Variants in CNOT6L observed in about 807,000 individuals in gnomAD.
CNOT6L encodes CCR4-NOT transcription complex subunit 6 like.
Under a neutral mutation model 64.0 loss-of-function variants are expected in CNOT6L, and 7 were observed. The observed-to-expected ratio is 0.11, with a 90% CI of 0.06 to 0.21. The LOEUF (loss-of-function observed/expected upper bound fraction) is 0.21. Among genes scored for constraint, CNOT6L ranks in the 10% least tolerant of loss-of-function variants. CNOT6L has a pLI of 1.00. For missense variants in CNOT6L, 245 were observed against 669.0 expected (o/e 0.37, Z 6.99); for synonymous variants, 193 against 243.4 (o/e 0.79, Z 1.93).
At chr4:77,797,102 CAAA>C (rs386400560) in intron 1 of CNOT6L, among the ~76,000 whole-genome samples, 2 of 52,988 alleles carry the variant, frequency 3.8e-5, no homozygotes, top group Non-Finnish European at 6.2e-5. Context: ...GACCTTGTCT[CAAA>C]AAAAAAAAAA....
intron 7 of CNOT6L, among the ~76,000 whole-genome samples, chr4:77,743,062 A>G (rs1723766960): frequency 6.6e-6 from 1 of 152,198 alleles, no homozygotes; most frequent in Non-Finnish European, 1.5e-5. Context: ...TCCATTAAGT[A>G]CAATAAATAA....
chr4:77,781,850 T>C (rs1728891615), intron 1 of CNOT6L, among the ~76,000 whole-genome samples: 1 of 152,238 alleles, frequency 6.6e-6, no homozygotes, highest in Non-Finnish European at 1.5e-5. Flanking sequence ...TGTTATTTCA[T>C]TTAGGATTCA....
chr4:77,753,024 C>A (rs1401339359), intron 5 of CNOT6L, among the ~76,000 whole-genome samples: 4 of 151,508 alleles, frequency 2.6e-5, no homozygotes, highest in Non-Finnish European at 5.9e-5. Context: ...ATTAAGACAT[C>A]ATAAAATATT....
intron 10 of CNOT6L, among the ~76,000 whole-genome samples, chr4:77,726,681 C>T (rs551007259): frequency 3.7e-4 from 57 of 152,182 alleles, no homozygotes; most frequent in Non-Finnish European, 6.8e-4. Flanking sequence ...GGATGGCATT[C>T]ACCAGGAAGG....
At chr4:77,754,820 T>A (rs1255548575) in intron 5 of CNOT6L, among the ~76,000 whole-genome samples, 1 of 127,468 alleles carries the variant, frequency 7.8e-6, no homozygotes, top group African/African-American at 3.1e-5. Flanking sequence ...ACCTAATCAA[T>A]AAATGGCTCA....
At chr4:77,729,269 T>C (rs968925510) in intron 9 of CNOT6L, among the ~76,000 whole-genome samples, 188 bp from the exon 10 acceptor site, 3 of 152,210 alleles carry the variant, frequency 2.0e-5, no homozygotes, top group Admixed American at 6.5e-5. Flanking sequence ...AATCCTACTA[T>C]GGGAATTACT....
At chr4:77,805,359 A>G (rs1400423750) in intron 1 of CNOT6L, among the ~76,000 whole-genome samples, 1 of 152,238 alleles carries the variant, frequency 6.6e-6, no homozygotes, top group African/African-American at 2.4e-5. Flanking sequence ...AGAGTAAAAC[A>G]GGAGCTAGTA....
At position 77,816,431 on chromosome 4, in the gene CNOT6L, C is replaced by T. The variant is rs116233753; in HGVS notation, c.5+2873G>A. On this transcript the variant is annotated intron_variant, in intron 1 of 11. Coordinates refer to ENST00000504123, the MANE Select transcript of CNOT6L (RefSeq NM_144571.3). Reference sequence around the variant, plus strand: ...AGAATTATTCCTTTAAATATAACCACATGGCAGAAGATTCTGTTCAATGTA... The same window carrying T: ...AGAATTATTCCTTTAAATATAACCATATGGCAGAAGATTCTGTTCAATGTA... Among the ~76,000 whole-genome samples, 509 of 152,138 alleles carry T rather than the reference C, an allele frequency of 3.3e-3. 3 individuals are homozygous for T. The highest frequency in any genetic ancestry group is 0.011 in the African/African-American group (461 of 41,536).
chr4:77,818,555 G>C lies in CNOT6L; in HGVS notation c.5+749C>G, dbSNP rs920317074. Among the ~76,000 whole-genome samples, 6 of 152,306 alleles carry C rather than the reference G, an allele frequency of 3.9e-5. No individual in the cohort carries two copies. In the South Asian group the frequency reaches 8.3e-4, roughly 21 times the overall value. The stretch of plus-strand genomic sequence containing the variant: ...GGGAAGGATGAAAAGAAGGGAACAC[G>C]ACACCGCGTATTCCCAAGACTGACT... On this transcript the variant is annotated intron_variant, in intron 1 of 11. Transcript: ENST00000504123.
intron 1 of CNOT6L, among the ~76,000 whole-genome samples, chr4:77,812,807 G>T (rs935241931): frequency 6.6e-6 from 1 of 152,046 alleles, no homozygotes; most frequent in Non-Finnish European, 1.5e-5. Context: ...CTTCTTTGCA[G>T]AAACTGACAA....
Position 77,767,315 on chromosome 4 carries a change from C to CA in CNOT6L, c.400+5765dup, listed in dbSNP as rs1017130658. Among the ~76,000 whole-genome samples, 230 of 152,076 alleles carry CA rather than the reference C, an allele frequency of 1.5e-3. 4 individuals are homozygous for CA. The highest frequency in any genetic ancestry group is 2.4e-4 in the Non-Finnish European group (16 of 67,960). On this transcript the variant is annotated intron_variant, in intron 4 of 11. Coordinates refer to ENST00000504123, the MANE Select transcript of CNOT6L (RefSeq NM_144571.3). ...AGTCAATGAAATTCCAGAGTTCAAA[C>CA]AGAGTTTTTCATGAAACTTAACAAG...
chr4:77,790,211 T>A (rs1483153434), intron 1 of CNOT6L, among the ~76,000 whole-genome samples: 2 of 152,124 alleles, frequency 1.3e-5, no homozygotes, highest in Non-Finnish European at 2.9e-5. Flanking sequence ...CATTTTAAGT[T>A]TCCTCCATGT....
chr4:77,776,389 T>A lies in CNOT6L; in HGVS notation c.9A>T (p.Leu3=), dbSNP rs778765543. 1 of 1,482,308 alleles carries A rather than the reference T, an allele frequency of 6.7e-7. No individual in the cohort carries two copies. The highest frequency in any genetic ancestry group is 8.9e-7 in the Non-Finnish European group (1 of 1,121,104). The allele number at this position is 1,482,308 out of a possible 1,614,324, so 91.8% of individuals were successfully genotyped here. MR[L]IGMPKEKYDP... The stretch of plus-strand genomic sequence containing the variant: ...CATATTTTTCCTTTGGCATCCCTAT[T>A]AGTCTGTTTAAAAAAAAAAAGGAGG... Residue 3 remains leucine, a synonymous_variant, in exon 2 of 12, where the codon CTA becomes CTT. Coordinates refer to ENST00000504123, the MANE Select transcript of CNOT6L (RefSeq NM_144571.3).
chr4:77,729,925 C>T (rs1722256174), intron 9 of CNOT6L, among the ~76,000 whole-genome samples: 1 of 152,076 alleles, frequency 6.6e-6, no homozygotes, highest in Non-Finnish European at 1.5e-5. Context: ...TACATATACT[C>T]ACATTCTGTA....
chr4:77,779,647 A>G (rs765745991), intron 1 of CNOT6L, among the ~76,000 whole-genome samples: 3 of 152,146 alleles, frequency 2.0e-5, no homozygotes, highest in Non-Finnish European at 2.9e-5. Flanking sequence ...TCTCTTTTGG[A>G]TTTGATTAGG....
At chr4:77,760,897 A>C (rs1485701574) in intron 4 of CNOT6L, among the ~76,000 whole-genome samples, 1 of 37,062 alleles carries the variant, frequency 2.7e-5, no homozygotes, top group Admixed American at 3.2e-4. Context: ...TTTTTTTTTA[A>C]GGAAGAGACA....
intron 5 of CNOT6L, among the ~76,000 whole-genome samples, chr4:77,753,342 T>C (rs957503533): frequency 2.6e-5 from 4 of 152,010 alleles, no homozygotes; most frequent in Admixed American, 1.3e-4. Flanking sequence ...GAAAAAGAAG[T>C]ACTGGCCAAT....
intron 1 of CNOT6L, among the ~76,000 whole-genome samples, chr4:77,800,707 G>A (rs1731434140): frequency 6.6e-6 from 1 of 152,162 alleles, no homozygotes; most frequent in South Asian, 2.1e-4. Flanking sequence ...GGTTTAGAAT[G>A]TGTATAAGCC....
chr4:77,733,013 T>C (rs1036891491), intron 8 of CNOT6L, among the ~76,000 whole-genome samples: 69 of 151,796 alleles, frequency 4.5e-4, no homozygotes, highest in African/African-American at 1.6e-3. Flanking sequence ...TCAAGAGGAG[T>C]GAGCAGTTTC....
Sources: gnomAD v4.1 joint callset for allele counts (sites outside exome capture counted in the v4.1 genomes callset) on GRCh38, gnomAD v4.1.1 for gene constraint, MANE v1.5 for transcripts, NCBI Gene and HGNC (gene_info 2026-07-23, HGNC 2026-07-21) for gene names.